The following MGAM2 variants were observed in gnomAD, a reference collection of about 807,000 sequenced individuals.
MGAM2 encodes the protein maltase-glucoamylase 2 (putative), also known as probable maltase-glucoamylase 2.
Under a neutral mutation model 96.1 loss-of-function variants are expected in MGAM2, and 98 were observed. That is an observed-to-expected ratio of 1.02 (90% CI 0.87 to 1.21). The LOEUF (loss-of-function observed/expected upper bound fraction) is 1.21. Among genes scored for constraint, MGAM2 ranks in the 50% most tolerant of loss-of-function variants. The pLI, the probability that MGAM2 is intolerant of heterozygous loss-of-function variation, is 0.00. For missense variants in MGAM2, 2,055 were observed against 1,182.4 expected, an observed-to-expected ratio of 1.74 and a Z score of -10.82; for synonymous variants, 749 against 414.8, an observed-to-expected ratio of 1.81 and a Z score of -9.79.
intron 33 of MGAM2, among the ~76,000 whole-genome samples, chr7:142,184,066 A>G (rs112696344): frequency 1.2e-3 from 163 of 135,798 alleles, no homozygotes; most frequent in African/African-American, 4.3e-3. Context: ...TCCTCTTCCC[A>G]GGTTCAAGCG....
intron 46 of MGAM2, among the ~76,000 whole-genome samples, chr7:142,209,539 T>G (rs1007073643): frequency 6.6e-6 from 1 of 152,254 alleles, no homozygotes; most frequent in Non-Finnish European, 1.5e-5. Context: ...ATTCTGCTTC[T>G]CTATTTTTAC....
At chr7:142,150,935 G>T (rs1392035307) in intron 15 of MGAM2, among the ~76,000 whole-genome samples, 1 of 151,940 alleles carries the variant, frequency 6.6e-6, no homozygotes, top group African/African-American at 2.4e-5. Context: ...TCCTTACCCT[G>T]TCCATTTTGC....
chr7:142,211,982 C>T (rs1303426048), intron 46 of MGAM2, among the ~76,000 whole-genome samples: 2 of 152,178 alleles, frequency 1.3e-5, no homozygotes, highest in African/African-American at 4.8e-5. Context: ...ATCAGACTAA[C>T]AGCAGATCTG....
chr7:142,136,693 C>T (rs1795069176), intron 8 of MGAM2, 53 bp downstream of exon 8: 1 of 637,388 alleles, frequency 1.6e-6, no homozygotes. Flanking sequence ...TAGGATTCTG[C>T]TTTTATAAAA....
intron 24 of MGAM2, 99 bp from the exon 25 acceptor site, chr7:142,165,999 A>G (rs948881788): frequency 3.5e-6 from 2 of 579,708 alleles, no homozygotes; most frequent in Non-Finnish European, 6.1e-6. Flanking sequence ...GGAGGAAGGA[A>G]TAGATGCCCT....
At chr7:142,144,031 T>C (rs1044959112) in intron 13 of MGAM2, 149 bp downstream of exon 13, 1 of 512,536 alleles carries the variant, frequency 2.0e-6, no homozygotes, top group African/African-American at 1.9e-5. Context: ...TAAGGCTGAG[T>C]CTATATCCAG....
intron 12 of MGAM2, among the ~76,000 whole-genome samples, chr7:142,143,174 G>A (rs1056475225): frequency 1.3e-5 from 2 of 152,076 alleles, no homozygotes; most frequent in African/African-American, 4.8e-5. Context: ...ACAAAAACTG[G>A]TATCCTTTTA....
chr7:142,161,213 G>A lies in MGAM2; in HGVS notation c.2434G>A (p.Asp812Asn). The A allele has an allele frequency of 1.4e-6, 1 of 702,188 alleles. No individual in the cohort carries two copies. Among genetic ancestry groups the A allele is most frequent in the East Asian group, 2.7e-5 (1 of 37,270 alleles). The allele number at this position is 702,188 out of a possible 1,614,324, so 43.5% of individuals were successfully genotyped here. A position where few individuals can be genotyped will look rare whatever the true frequency, so the allele number is the denominator to read the frequency against. Residue 812 changes from aspartate (D) to asparagine (N), a missense_variant and splice_region_variant, in exon 22 of 48, where the codon GAT (aspartate) becomes AAT (asparagine). Physicochemically the swap from Asp to Asn is conservative, Grantham distance 23. Coordinates refer to ENST00000477922, the MANE Select transcript of MGAM2 (RefSeq NM_001293626.2). ...GTACTGGGATGACGGTGTATCTAAAGGTAGACTTTCTCAAGGCACCATCCC... is the reference window on the plus strand; with the variant it reads ...GTACTGGGATGACGGTGTATCTAAAAGTAGACTTTCTCAAGGCACCATCCC... ...ELYWDDGVSK[D>N]AVTEKKYILY...
At chr7:142,201,536 T>G (rs1185603585) in intron 45 of MGAM2, among the ~76,000 whole-genome samples, 1 of 152,176 alleles carries the variant, frequency 6.6e-6, no homozygotes, top group Non-Finnish European at 1.5e-5. Context: ...TTGACAAATG[T>G]GTACAGTTGT....
chr7:142,127,238 AT>A (rs1794756180), intron 3 of MGAM2, among the ~76,000 whole-genome samples: 1 of 152,108 alleles, frequency 6.6e-6, no homozygotes, highest in Admixed American at 6.5e-5. Flanking sequence ...GATCCATGAC[AT>A]TTTATTTGCT....
intron 10 of MGAM2, among the ~76,000 whole-genome samples, chr7:142,139,770 T>G (rs1364561592): frequency 1.3e-5 from 2 of 151,080 alleles, no homozygotes; most frequent in African/African-American, 4.9e-5. Context: ...CTCAGAGTAG[T>G]GATGAGGGCA....
At position 142,179,479 on chromosome 7, in the gene MGAM2, T is replaced by A. The variant is rs1198857850; in HGVS notation, c.3816+3699T>A. On this transcript the variant is annotated intron_variant, in intron 32 of 47. Coordinates refer to ENST00000477922, the MANE Select transcript of MGAM2 (RefSeq NM_001293626.2). ...TCCAGCTTTTTCCCATTCAGTATGA[T>A]GTTGGCTGTGGGTTTGTCAGAGATA... 3.3e-5 allele frequency among the ~76,000 whole-genome samples: 5 copies of A among 152,324 alleles called. No individual in the cohort carries two copies. In the East Asian group the frequency reaches 7.7e-4, roughly 23 times the overall value.
chr7:142,116,189 A>T (rs1817395689), intron 1 of MGAM2, among the ~76,000 whole-genome samples: 1 of 152,168 alleles, frequency 6.6e-6, no homozygotes, highest in African/African-American at 2.4e-5. Flanking sequence ...TCAGGACAAG[A>T]ATTCAACCCC....
At chr7:142,115,073 C>T (rs1406365645) in intron 1 of MGAM2, among the ~76,000 whole-genome samples, 1 of 152,092 alleles carries the variant, frequency 6.6e-6, no homozygotes, top group Non-Finnish European at 1.5e-5. Flanking sequence ...AAAAGTTAGC[C>T]ACACGTAGTG....
chr7:142,219,111 A>G (rs1013284391), intron 47 of MGAM2, among the ~76,000 whole-genome samples: 3 of 152,240 alleles, frequency 2.0e-5, no homozygotes, highest in African/African-American at 4.8e-5. Flanking sequence ...GAATTTTGGA[A>G]GATGAAATAC....
intron 37 of MGAM2, among the ~76,000 whole-genome samples, chr7:142,191,319 A>G (rs1289861991): frequency 6.6e-6 from 1 of 152,038 alleles, no homozygotes. Flanking sequence ...TTACTTATTC[A>G]TTTGTCACTT....
chr7:142,159,483 G>C, intron 20 of MGAM2, 140 bp downstream of exon 20: 1 of 608,216 alleles, frequency 1.6e-6, no homozygotes, highest in Non-Finnish European at 3.0e-6. Flanking sequence ...CTGTGAGAAA[G>C]GCATCTTAGT....
At position 142,134,029 on chromosome 7, in the gene MGAM2, A is replaced by T; in HGVS notation, c.624A>T (p.Gln208His). 1 of 744,048 alleles carries T rather than the reference A, an allele frequency of 1.3e-6. No homozygotes were observed. Among genetic ancestry groups the T allele is most frequent in the Non-Finnish European group, 2.5e-6 (1 of 406,672 alleles). 46.1% of individuals were successfully genotyped at this position (744,048 alleles called of 1,614,324 possible). The change falls in exon 7 of 48, where the codon CAA (glutamine) becomes CAT (histidine). Residue 208 changes from glutamine to histidine, a missense_variant. Coordinates refer to ENST00000477922, the MANE Select transcript of MGAM2 (RefSeq NM_001293626.2). Reference sequence around the variant, plus strand: ...TCCAGTTTGCCCAGCAGTACCTGCAACTGTCTTTCCGACTGCCCAGTGCCA... The same window carrying T: ...TCCAGTTTGCCCAGCAGTACCTGCATCTGTCTTTCCGACTGCCCAGTGCCA... ...GPLQFAQQYL[Q>H]LSFRLPSANV...
intron 7 of MGAM2, among the ~76,000 whole-genome samples, chr7:142,134,822 C>A (rs1795008092): frequency 6.8e-6 from 1 of 147,760 alleles, no homozygotes. Flanking sequence ...TTGTAAAATA[C>A]AATTAAAATA....
Sources: gnomAD v4.1 joint callset for allele counts (sites outside exome capture counted in the v4.1 genomes callset) on GRCh38, gnomAD v4.1.1 for gene constraint, MANE v1.5 for transcripts, NCBI Gene and HGNC (gene_info 2026-07-23, HGNC 2026-07-21) for gene names.